EXOC6B: variants seen among roughly 807,000 people sequenced by gnomAD.
EXOC6B encodes the protein exocyst complex component 6B.
EXOC6B carries 54 observed loss-of-function variants against 113.5 expected under a neutral mutation model. The observed-to-expected ratio is 0.48, with a 90% CI of 0.38 to 0.60. The LOEUF (loss-of-function observed/expected upper bound fraction) is 0.60. Ranked by LOEUF, EXOC6B falls within the 20% of genes least tolerant of loss-of-function variation. The pLI is 0.00. For synonymous variants in EXOC6B, 357 were observed against 339.0 expected (o/e 1.05, Z -0.58); for missense variants, 797 against 977.5 (o/e 0.82, Z 2.46).
At chr2:72,540,365 A>G (rs548466324) in intron 8 of EXOC6B, among the ~76,000 whole-genome samples, 25 of 152,166 alleles carry the variant, frequency 1.6e-4, no homozygotes, top group African/African-American at 6.0e-4. Context: ...TACCAAAAAA[A>G]CTCATGTAGC....
At chr2:72,512,633 A>G (rs1247998980) in intron 11 of EXOC6B, among the ~76,000 whole-genome samples, 3 of 151,982 alleles carry the variant, frequency 2.0e-5, no homozygotes, top group Admixed American at 1.3e-4. Flanking sequence ...ATCAGTGTTT[A>G]TAATATTAAC....
rs111250991 is a variant in EXOC6B, at chr2:72,236,996, T to C, written c.2197-52809A>G. Among the ~76,000 whole-genome samples, 924 of 152,166 alleles carry C rather than the reference T, an allele frequency of 6.1e-3. 11 individuals carry two copies. The highest frequency in any genetic ancestry group is 0.021 in the African/African-American group (864 of 41,500). On this transcript the variant is annotated intron_variant, in intron 20 of 21. Transcript: ENST00000272427. ...ATAGAAAGATGACATTGCTATAAAA[T>C]CTACACATAGTTAATATTTCCTGAG...
intron 20 of EXOC6B, among the ~76,000 whole-genome samples, chr2:72,317,707 A>C (rs1348575115): frequency 6.6e-6 from 1 of 152,040 alleles, no homozygotes; most frequent in Non-Finnish European, 1.5e-5. Flanking sequence ...CCGCCAATTT[A>C]CTATTGTTTG....
intron 20 of EXOC6B, among the ~76,000 whole-genome samples, chr2:72,191,234 A>G (rs959602568): frequency 3.3e-5 from 5 of 152,140 alleles, no homozygotes; most frequent in Non-Finnish European, 7.4e-5. Context: ...TTTTCTTCCT[A>G]TATAACTTTT....
intron 16 of EXOC6B, among the ~76,000 whole-genome samples, chr2:72,490,584 T>C (rs781569964): frequency 2.6e-5 from 4 of 152,122 alleles, no homozygotes; most frequent in Non-Finnish European, 4.4e-5. Flanking sequence ...CACACCACCA[T>C]AATAGCCAAA....
intron 6 of EXOC6B, among the ~76,000 whole-genome samples, chr2:72,709,802 A>G (rs1399573807): frequency 1.3e-5 from 2 of 152,184 alleles, no homozygotes; most frequent in African/African-American, 4.8e-5. Flanking sequence ...TACGGTTTAG[A>G]TTGCTTATGA....
At chr2:72,724,713 A>G (rs1002090732) in intron 5 of EXOC6B, among the ~76,000 whole-genome samples, 5 of 152,178 alleles carry the variant, frequency 3.3e-5, no homozygotes, top group Non-Finnish European at 7.4e-5. Flanking sequence ...AGAAAAACAA[A>G]TAATAAAAGA....
At chr2:72,314,679 C>T (rs1406572175) in intron 20 of EXOC6B, among the ~76,000 whole-genome samples, 1 of 152,020 alleles carries the variant, frequency 6.6e-6, no homozygotes, top group Non-Finnish European at 1.5e-5. Context: ...AGTTTATATC[C>T]GATATGTACA....
chr2:72,647,961 G>A (rs771735519), intron 6 of EXOC6B, among the ~76,000 whole-genome samples: 29 of 151,920 alleles, frequency 1.9e-4, no homozygotes, highest in African/African-American at 3.6e-4. Context: ...GCTTCTGCAC[G>A]GCAAAAGAAA....
chr2:72,756,804 T>TA (rs1682440008), intron 1 of EXOC6B, among the ~76,000 whole-genome samples: 3 of 150,386 alleles, frequency 2.0e-5, no homozygotes, highest in Middle Eastern at 3.4e-3. Flanking sequence ...TAAAGTATAA[T>TA]AAAATGAAGG....
chr2:72,276,243 C>T (rs1389282261), intron 20 of EXOC6B, among the ~76,000 whole-genome samples: 1 of 152,114 alleles, frequency 6.6e-6, no homozygotes, highest in African/African-American at 2.4e-5. Flanking sequence ...AGAAACAAAA[C>T]TGGCTCAAAA....
chr2:72,563,212 T>A (rs1021542052), intron 7 of EXOC6B, among the ~76,000 whole-genome samples: 2 of 152,114 alleles, frequency 1.3e-5, no homozygotes, highest in East Asian at 1.9e-4. Flanking sequence ...GAGGTAGATA[T>A]AATGGAAGCA....
chr2:72,590,446 T>C (rs1452107384), intron 6 of EXOC6B, among the ~76,000 whole-genome samples: 2 of 152,010 alleles, frequency 1.3e-5, no homozygotes, highest in African/African-American at 4.8e-5. Flanking sequence ...TATGTTACTA[T>C]GCTATGCTTG....
intron 18 of EXOC6B, among the ~76,000 whole-genome samples, chr2:72,435,758 T>C (rs940376318): frequency 4.0e-4 from 61 of 151,898 alleles, no homozygotes; most frequent in African/African-American, 1.5e-3. Context: ...TTGGTAAATA[T>C]TCCTCCATCC....
chr2:72,483,344 A>C (rs909634862), intron 16 of EXOC6B, among the ~76,000 whole-genome samples: 2 of 152,224 alleles, frequency 1.3e-5, no homozygotes, highest in African/African-American at 4.8e-5. Context: ...TTACCTATGG[A>C]AACACATTCT....
At chr2:72,630,612 A>G (rs1250824144) in intron 6 of EXOC6B, among the ~76,000 whole-genome samples, 1 of 152,128 alleles carries the variant, frequency 6.6e-6, no homozygotes, top group East Asian at 1.9e-4. Context: ...TGAGATCATC[A>G]AACTTCTATA....
At chr2:72,485,371 C>T in intron 16 of EXOC6B, among the ~76,000 whole-genome samples, 1 of 152,186 alleles carries the variant, frequency 6.6e-6, no homozygotes, top group East Asian at 1.9e-4. Flanking sequence ...CAGGACTAAT[C>T]CAAAGGAAGA....
rs570420457 is a variant in EXOC6B, at chr2:72,799,834, G to A, written c.113+25964C>T. 1.5e-4 allele frequency among the ~76,000 whole-genome samples: 23 copies of A among 152,220 alleles called. 1 individual carries two copies. In the South Asian group the frequency reaches 4.8e-3, roughly 32 times the overall value. ...AATCCCAGCACTTTGGGAGGCCAAG[G>A]CAGACGAATTGCTTGAGCTCAGGGG... On this transcript the variant is annotated intron_variant, in intron 1 of 21. Transcript: ENST00000272427.
intron 18 of EXOC6B, among the ~76,000 whole-genome samples, chr2:72,421,837 C>T (rs754548780): frequency 3.9e-4 from 59 of 152,332 alleles, no homozygotes; most frequent in Admixed American, 5.9e-4. Context: ...GGGAGAGGCG[C>T]GAGCGGGAAC....
Sources: gnomAD v4.1 joint callset for allele counts (sites outside exome capture counted in the v4.1 genomes callset) on GRCh38, gnomAD v4.1.1 for gene constraint, MANE v1.5 for transcripts, NCBI Gene and HGNC (gene_info 2026-07-23, HGNC 2026-07-21) for gene names.